TAFA1: variants seen among roughly 807,000 people sequenced by gnomAD.
The protein encoded by TAFA1 is TAFA chemokine like family member 1.
TAFA1 carries 4 observed loss-of-function variants against 18.5 expected under a neutral mutation model. That is an observed-to-expected ratio of 0.22 (90% CI 0.11 to 0.49). The LOEUF is 0.49. TAFA1 is among the 20% of genes least tolerant of loss of function. TAFA1 has a pLI of 0.98. For missense variants in TAFA1, 147 were observed against 169.0 expected (o/e 0.87, Z 0.72); for synonymous variants, 56 against 55.2 (o/e 1.01, Z -0.06).
At chr3:68,039,747 G>A (rs1281074974) in intron 2 of TAFA1, among the ~76,000 whole-genome samples, 1 of 152,174 alleles carries the variant, frequency 6.6e-6, no homozygotes, top group Non-Finnish European at 1.5e-5. Flanking sequence ...ATGAGACAGG[G>A]AAGGGAAAGC....
At chr3:68,431,626 G>A (rs1375544602) in intron 3 of TAFA1, among the ~76,000 whole-genome samples, 2 of 151,932 alleles carry the variant, frequency 1.3e-5, no homozygotes, top group African/African-American at 4.8e-5. Context: ...TATTAAGATT[G>A]CATTCATTCT....
intron 3 of TAFA1, among the ~76,000 whole-genome samples, chr3:68,422,043 A>G (rs1400713377): frequency 2.0e-4 from 30 of 152,130 alleles, no homozygotes; most frequent in Admixed American, 1.8e-3. Context: ...GACTATTACT[A>G]CATTGTAAGA....
At chr3:68,349,451 A>G (rs1044807702) in intron 2 of TAFA1, among the ~76,000 whole-genome samples, 2 of 151,994 alleles carry the variant, frequency 1.3e-5, no homozygotes, top group Non-Finnish European at 2.9e-5. Flanking sequence ...GTCCTACGGC[A>G]CCCATATAGA....
intron 2 of TAFA1, among the ~76,000 whole-genome samples, chr3:68,265,841 A>G (rs980338109): frequency 2.0e-5 from 3 of 152,160 alleles, no homozygotes; most frequent in African/African-American, 7.2e-5. Flanking sequence ...GCCAGGCCTT[A>G]GTGGTATAGG....
At chr3:68,108,575 C>T (rs2065230152) in intron 2 of TAFA1, among the ~76,000 whole-genome samples, 2 of 151,654 alleles carry the variant, frequency 1.3e-5, no homozygotes, top group South Asian at 2.1e-4. Flanking sequence ...TGGTGAATGC[C>T]CTGGGATTAA....
At chr3:68,536,378 T>C (rs954703963) in intron 3 of TAFA1, among the ~76,000 whole-genome samples, 4 of 152,210 alleles carry the variant, frequency 2.6e-5, no homozygotes, top group African/African-American at 9.6e-5. Context: ...GACATTATCA[T>C]ATGTCATTTG....
At chr3:68,205,424 G>A (rs1289287177) in intron 2 of TAFA1, among the ~76,000 whole-genome samples, 3 of 151,838 alleles carry the variant, frequency 2.0e-5, no homozygotes, top group Non-Finnish European at 4.4e-5. Context: ...AAAGAACATA[G>A]GGCCAGGTGT....
chr3:68,398,486 T>C (rs530969791), intron 2 of TAFA1, among the ~76,000 whole-genome samples: 2 of 152,240 alleles, frequency 1.3e-5, no homozygotes, highest in Non-Finnish European at 2.9e-5. Context: ...TCTTCCATTT[T>C]CACAAATACT....
At chr3:68,037,432 C>G (rs911506014) in intron 2 of TAFA1, among the ~76,000 whole-genome samples, 20 of 152,200 alleles carry the variant, frequency 1.3e-4, no homozygotes, top group Non-Finnish European at 2.9e-4. Flanking sequence ...CCCAAGCCCA[C>G]AGTCTTGCTT....
chr3:68,080,935 C>A (rs1264208226), intron 2 of TAFA1, among the ~76,000 whole-genome samples: 1 of 152,150 alleles, frequency 6.6e-6, no homozygotes, highest in East Asian at 1.9e-4. Flanking sequence ...TTCTCCCCAT[C>A]ACTTTCAGGT....
intron 2 of TAFA1, among the ~76,000 whole-genome samples, chr3:68,187,468 T>C (rs1489720237): frequency 3.9e-5 from 6 of 152,070 alleles, no homozygotes; most frequent in African/African-American, 1.4e-4. Flanking sequence ...GATACACTCA[T>C]TGTGGCTTCA....
chr3:68,077,815 C>A (rs960624235), intron 2 of TAFA1, among the ~76,000 whole-genome samples: 1 of 151,904 alleles, frequency 6.6e-6, no homozygotes, highest in African/African-American at 2.4e-5. Flanking sequence ...TCCATATGAA[C>A]TTTAAAGTAG....
At chr3:68,185,704 G>C (rs374368554) in intron 2 of TAFA1, among the ~76,000 whole-genome samples, 159 of 152,044 alleles carry the variant, frequency 1.0e-3, no homozygotes, top group African/African-American at 3.5e-3. Flanking sequence ...GAGCTCAGGA[G>C]TTCCAGACCA....
intron 2 of TAFA1, among the ~76,000 whole-genome samples, chr3:68,397,483 A>G (rs919245428): frequency 3.3e-5 from 5 of 152,238 alleles, no homozygotes; most frequent in South Asian, 2.1e-4. Context: ...CCTGCAAAGG[A>G]CATAAACTCA....
intron 2 of TAFA1, among the ~76,000 whole-genome samples, chr3:68,122,164 T>C (rs1375778584): frequency 2.0e-5 from 3 of 152,142 alleles, no homozygotes; most frequent in Non-Finnish European, 4.4e-5. Flanking sequence ...TACTCTTCTC[T>C]GTCTAGGTCT....
intron 2 of TAFA1, among the ~76,000 whole-genome samples, chr3:68,329,259 G>C (rs1490123896): frequency 7.0e-6 from 1 of 143,080 alleles, no homozygotes; most frequent in Non-Finnish European, 1.5e-5. Context: ...GTAGAGACGG[G>C]GTTTCACCAC....
chr3:68,458,528 G>C (rs2071709294), intron 3 of TAFA1, among the ~76,000 whole-genome samples: 1 of 152,148 alleles, frequency 6.6e-6, no homozygotes, highest in Non-Finnish European at 1.5e-5. Context: ...GCTCAGGAAA[G>C]TTAAGCAGTC....
At chr3:68,503,263 A>G (rs934862161) in intron 3 of TAFA1, among the ~76,000 whole-genome samples, 3 of 152,168 alleles carry the variant, frequency 2.0e-5, no homozygotes, top group African/African-American at 7.2e-5. Flanking sequence ...GTTTGGATTT[A>G]GGTCCCATCC....
intron 2 of TAFA1, among the ~76,000 whole-genome samples, chr3:68,374,851 C>T (rs796892285): frequency 5.9e-5 from 9 of 152,266 alleles, no homozygotes; most frequent in African/African-American, 2.2e-4. Flanking sequence ...TGATCTCAGA[C>T]ACTTTATCTC....
Sources: gnomAD v4.1 joint callset for allele counts (sites outside exome capture counted in the v4.1 genomes callset) on GRCh38, gnomAD v4.1.1 for gene constraint, MANE v1.5 for transcripts, NCBI Gene and HGNC (gene_info 2026-07-23, HGNC 2026-07-21) for gene names.